The following TAB2 variants were observed in gnomAD, a reference collection of about 807,000 sequenced individuals.
The protein encoded by TAB2 is TGF-beta-activated kinase 1 and MAP3K7-binding protein 2.
A neutral mutation model predicts 65.0 loss-of-function variants in TAB2; 3 were observed. That is an observed-to-expected ratio of 0.05 (90% CI 0.02 to 0.12). The LOEUF (loss-of-function observed/expected upper bound fraction) is 0.12. Ranked by LOEUF, TAB2 falls within the 10% of genes least tolerant of loss-of-function variation. TAB2 has a pLI of 1.00. For missense variants in TAB2, 623 were observed against 840.3 expected (o/e 0.74, Z 3.20); for synonymous variants, 298 against 285.1 (o/e 1.05, Z -0.46).
At chr6:149,256,844 TTTCATCCCAGGG>T (rs1778047535) in intron 1 of TAB2, among the ~76,000 whole-genome samples, 2 of 152,182 alleles carry the variant, frequency 1.3e-5, no homozygotes, top group Admixed American at 1.3e-4. Context: ...TACTGAAGGA[TTTCATCCCAGGG>T]GATAAAAAAC....
chr6:149,372,396 G>A (rs1479304596), intron 2 of TAB2: 1 of 152,112 alleles, frequency 6.6e-6, no homozygotes, highest in Admixed American at 6.5e-5. Flanking sequence ...AGAGGGAACA[G>A]GCCTGATGGG....
intron 1 of TAB2, among the ~76,000 whole-genome samples, chr6:149,223,064 C>CT (rs1025860277): frequency 6.6e-6 from 1 of 152,106 alleles, no homozygotes; most frequent in African/African-American, 2.4e-5. Flanking sequence ...TAAAAAAATT[C>CT]TTTTTTGTTA....
At chr6:149,298,927 T>A (rs931087434) in intron 1 of TAB2, among the ~76,000 whole-genome samples, 7 of 152,250 alleles carry the variant, frequency 4.6e-5, no homozygotes, top group Non-Finnish European at 1.0e-4. Flanking sequence ...ACTGGCAAAG[T>A]ACATTCCTTC....
At chr6:149,372,380 T>C (rs1284391229) in intron 2 of TAB2, 2 of 152,198 alleles carry the variant, frequency 1.3e-5, no homozygotes, top group Non-Finnish European at 2.9e-5. Flanking sequence ...TTATCCATGG[T>C]AGGCCAGAGG....
intron 1 of TAB2, among the ~76,000 whole-genome samples, chr6:149,308,892 C>T (rs1174019560): frequency 2.6e-5 from 4 of 151,978 alleles, no homozygotes. Flanking sequence ...TTTTAATAAC[C>T]TTTTGCATAT....
chr6:149,397,348 G>A (rs930083310), intron 3 of TAB2, among the ~76,000 whole-genome samples: 1 of 152,050 alleles, frequency 6.6e-6, no homozygotes, highest in African/African-American at 2.4e-5. Flanking sequence ...GGCTGAGGCA[G>A]GAGAATCACT....
intron 1 of TAB2, among the ~76,000 whole-genome samples, chr6:149,328,115 A>G (rs1382187295): frequency 1.3e-5 from 2 of 152,218 alleles, no homozygotes; most frequent in Non-Finnish European, 2.9e-5. Flanking sequence ...TGAAGTGGTC[A>G]TCTTAACCAA....
intron 1 of TAB2, among the ~76,000 whole-genome samples, chr6:149,299,091 T>C (rs1379315368): frequency 2.0e-5 from 3 of 151,764 alleles, no homozygotes; most frequent in Non-Finnish European, 4.4e-5. Flanking sequence ...AACCGTTTTA[T>C]ATATTTCATA....
chr6:149,324,317 A>C (rs953594524), intron 1 of TAB2, among the ~76,000 whole-genome samples: 5 of 152,198 alleles, frequency 3.3e-5, no homozygotes, highest in African/African-American at 1.2e-4. Flanking sequence ...ATAATCCATT[A>C]AAATGTGTAG....
At chr6:149,276,371 G>A (rs1023050277) in intron 1 of TAB2, among the ~76,000 whole-genome samples, 2 of 152,154 alleles carry the variant, frequency 1.3e-5, no homozygotes, top group African/African-American at 4.8e-5. Flanking sequence ...AGCCCAAAAT[G>A]TTATCCAGGA....
At chr6:149,308,142 A>G (rs557459413) in intron 1 of TAB2, among the ~76,000 whole-genome samples, 1 of 152,260 alleles carries the variant, frequency 6.6e-6, no homozygotes, top group South Asian at 2.1e-4. Flanking sequence ...GTTGTTTTCT[A>G]TTTTTTTACT....
Position 149,383,875 on chromosome 6 carries a change from A to C in TAB2, c.1603+4357A>C, listed in dbSNP as rs60199583. Reference sequence around the variant, plus strand: ...TGGGGTTACAGACGTGAGCCACCGCACCTAGCTCAGTGACACAATCTTGAT... The same window carrying C: ...TGGGGTTACAGACGTGAGCCACCGCCCCTAGCTCAGTGACACAATCTTGAT... On this transcript the variant is annotated intron_variant, in intron 3 of 6. Transcript: ENST00000637181. Among the ~76,000 whole-genome samples, 1,001 of 152,126 alleles carry C rather than the reference A, an allele frequency of 6.6e-3. 14 individuals are homozygous for C. Among genetic ancestry groups the C allele is most frequent in the African/African-American group, 0.022 (909 of 41,524 alleles).
upstream of TAB2, chr6:149,317,414 CGCA>C (rs1311171972): frequency 1.2e-3 from 81 of 65,026 alleles, 2 homozygotes; most frequent in South Asian, 5.7e-3. This position sits in a 1 kb window ranked among gnomAD's most constrained non-coding sequence, Gnocchi z 4.7. Context: ...GGGCCGCAGC[CGCA>C]GCCGCCGCCG....
intron 1 of TAB2, among the ~76,000 whole-genome samples, chr6:149,280,083 A>G (rs1778545421): frequency 6.6e-6 from 1 of 152,202 alleles, no homozygotes; most frequent in Non-Finnish European, 1.5e-5. Context: ...CTAAGTTAAT[A>G]TCTGCTTCCA....
chr6:149,265,828 C>T (rs565723100), intron 1 of TAB2, among the ~76,000 whole-genome samples: 1 of 152,230 alleles, frequency 6.6e-6, no homozygotes, highest in Non-Finnish European at 1.5e-5. Flanking sequence ...TGACACTGAC[C>T]CGCATCAGTC....
intron 1 of TAB2, among the ~76,000 whole-genome samples, chr6:149,326,492 T>G (rs572783670): frequency 6.6e-6 from 1 of 152,162 alleles, no homozygotes; most frequent in African/African-American, 2.4e-5. Context: ...TGACATGTTA[T>G]CATGGCAGAA....
intron 1 of TAB2, among the ~76,000 whole-genome samples, chr6:149,327,552 T>C (rs181117413): frequency 1.3e-5 from 2 of 152,208 alleles, no homozygotes; most frequent in Non-Finnish European, 2.9e-5. Context: ...ATGTTGCAGA[T>C]GTATGTAGGT....
At chr6:149,364,116 A>G (rs1442392539) in intron 1 of TAB2, among the ~76,000 whole-genome samples, 4 of 152,164 alleles carry the variant, frequency 2.6e-5, no homozygotes, top group Non-Finnish European at 4.4e-5. Context: ...GGCTATTACC[A>G]TTTCCTGGCT....
chr6:149,379,070 T>C lies in TAB2; in HGVS notation c.1155T>C (p.Pro385=), dbSNP rs781775405. Residue 385 remains proline (P), a synonymous_variant, in exon 3 of 7, where the codon CCT becomes CCC. Coordinates refer to ENST00000637181, the MANE Select transcript of TAB2 (RefSeq NM_001292034.3). The part of the protein sequence containing the change: ...NTDELMSRSQ[P]KVYISANAAT... ...ATGAGCTGATGTCCCGTAGTCAACC[T>C]AAGGTCTATATTTCAGCGAATGCTG... The C allele has an allele frequency of 1.5e-5, 24 of 1,614,028 alleles. No homozygotes were observed. In the African/African-American group the frequency reaches 3.1e-4, roughly 21 times the overall value.
Sources: gnomAD v4.1 joint callset for allele counts (sites outside exome capture counted in the v4.1 genomes callset) on GRCh38, gnomAD v4.1.1 for gene constraint, Gnocchi (gnomAD v3.1) non-coding constraint, MANE v1.5 for transcripts, NCBI Gene and HGNC (gene_info 2026-07-23, HGNC 2026-07-21) for gene names.